The following CCDC117 variants were observed in gnomAD, a reference collection of about 807,000 sequenced individuals.
CCDC117 encodes the protein coiled-coil domain-containing protein 117.
CCDC117 carries 1 observed loss-of-function variant against 23.5 expected under a neutral mutation model. That is an observed-to-expected ratio of 0.04 (90% CI 0.02 to 0.20). The LOEUF (loss-of-function observed/expected upper bound fraction) is 0.20. CCDC117 is among the 10% of genes least tolerant of loss of function. The pLI, the probability that CCDC117 is intolerant of heterozygous loss-of-function variation, is 1.00. For missense variants in CCDC117, 383 were observed against 348.2 expected (o/e 1.10, Z -0.80); for synonymous variants, 132 against 124.8 (o/e 1.06, Z -0.39).
At chr22:28,784,781 T>C (rs1186114561) in intron 4 of CCDC117, among the ~76,000 whole-genome samples, 1 of 152,186 alleles carries the variant, frequency 6.6e-6, no homozygotes, top group Non-Finnish European at 1.5e-5. Flanking sequence ...TTTGTTGTTG[T>C]TGTTGTTGAG....
rs908666795 is a variant in CCDC117 at position 28,786,150 on chromosome 22, C to A, written c.664C>A (p.Pro222Thr). 6.2e-7 allele frequency: 1 copy of A among 1,614,154 alleles called. No homozygotes were observed. The highest frequency in any genetic ancestry group is 1.7e-5 in the Admixed American group (1 of 60,006). ...KPLPELLSDK[P>T]KPSSNTKNYT... ...CCTCCCTGAACTCCTTTCTGATAAG[C>A]CAAAGCCATCCTCTAATACTAAGAA... The change falls in exon 5 of 5, where the codon CCA (proline) becomes ACA (threonine). Residue 222 changes from proline (P) to threonine (T), a missense_variant. Transcript: ENST00000249064.
chr22:28,783,367 A>C, intron 3 of CCDC117, 141 bp from the exon 4 acceptor site: 1 of 701,046 alleles, frequency 1.4e-6, no homozygotes, highest in Non-Finnish European at 2.3e-6. Context: ...ACTCAGGTAT[A>C]GCCTCATTTT....
chr22:28,784,160 G>A (rs1486450357), intron 4 of CCDC117, among the ~76,000 whole-genome samples: 1 of 152,206 alleles, frequency 6.6e-6, no homozygotes, highest in African/African-American at 2.4e-5. Context: ...CAGTTTATGA[G>A]CTCAGTTATC....
intron 3 of CCDC117, among the ~76,000 whole-genome samples, chr22:28,782,487 G>A (rs562268074): frequency 6.6e-6 from 1 of 152,016 alleles, no homozygotes; most frequent in African/African-American, 2.4e-5. Context: ...TGCTCAGGCT[G>A]GAGTGCAGTG....
chr22:28,773,770 G>A lies in CCDC117; in HGVS notation c.231G>A (p.Glu77=). Residue 77 remains glutamate, a synonymous_variant, in exon 2 of 5, where the codon GAG becomes GAA. Transcript: ENST00000249064. ...AGAAACACAAGCGAGAGGAGGAGGA[G>A]GATGATGAGTAAGTTTCAGTGGTTG... is the stretch of plus-strand genomic sequence containing the variant. ...CKKKHKREEE[E]DDDCPVRKKR... is the part of the protein sequence containing the mutation. The A allele has an allele frequency of 1.9e-6, 3 of 1,611,534 alleles. No individual in the cohort carries two copies. The highest frequency in any genetic ancestry group is 2.5e-6 in the Non-Finnish European group (3 of 1,177,598).
chr22:28,779,362 C>T (rs935935695), intron 2 of CCDC117, among the ~76,000 whole-genome samples: 14 of 151,188 alleles, frequency 9.3e-5, no homozygotes, highest in African/African-American at 3.4e-4. Flanking sequence ...GCCACTGCGC[C>T]CAGCTTTTTT....
intron 2 of CCDC117, among the ~76,000 whole-genome samples, chr22:28,775,322 C>G (rs1437479198): frequency 1.3e-5 from 2 of 151,996 alleles, no homozygotes; most frequent in South Asian, 2.1e-4. Flanking sequence ...AGATAATTAA[C>G]CAATTTCCTA....
rs2031573833 is a variant in CCDC117, at chr22:28,788,213, G to C, written c.*1887G>C. ...AACTGTATTCTTTTGAAATGTGCAAGTGTTTGATTCATGCCATTTGATAAA... is the reference window on the plus strand; with the variant it reads ...AACTGTATTCTTTTGAAATGTGCAACTGTTTGATTCATGCCATTTGATAAA... On this transcript the variant is annotated 3_prime_UTR_variant, in exon 5 of 5. Coordinates refer to ENST00000249064, the MANE Select transcript of CCDC117 (RefSeq NM_173510.4). 6.6e-6 allele frequency: 1 copy of C among 152,622 alleles called. No individual in the cohort carries two copies. Among genetic ancestry groups the C allele is most frequent in the African/African-American group, 2.4e-5 (1 of 41,438 alleles). 9.5% of individuals were successfully genotyped at this position (152,622 alleles called of 1,614,324 possible).
chr22:28,788,662 A>G lies in CCDC117; in HGVS notation c.*2336A>G, dbSNP rs115957677. The G allele has an allele frequency of 1.3e-5, 2 of 152,622 alleles. No individual in the cohort carries two copies. Among genetic ancestry groups the G allele is most frequent in the African/African-American group, 4.8e-5 (2 of 41,450 alleles). 9.5% of individuals were successfully genotyped at this position (152,622 alleles called of 1,614,324 possible). The stretch of plus-strand genomic sequence containing the variant: ...CTTTTTTGGACTTTATCTTCTTGCA[A>G]AAATTTCTACAAAAATTGTTTTCTT... On this transcript the variant is annotated 3_prime_UTR_variant, in exon 5 of 5. Transcript: ENST00000249064.
Position 28,788,871 on chromosome 22 carries a change from A to T in CCDC117, c.*2545A>T, listed in dbSNP as rs747829269. On this transcript the variant is annotated 3_prime_UTR_variant, in exon 5 of 5. Coordinates refer to ENST00000249064, the MANE Select transcript of CCDC117 (RefSeq NM_173510.4). ...GATCAAACATTGGCTTACTGTGCTA[A>T]TGTGTGAAGAGAAAAAATTCTCTAA... The T allele has an allele frequency of 6.6e-6, 1 of 152,574 alleles. No homozygotes were observed. Among genetic ancestry groups the T allele is most frequent in the Non-Finnish European group, 1.5e-5 (1 of 68,042 alleles). The allele number at this position is 152,574 out of a possible 1,614,324, so 9.5% of individuals were successfully genotyped here.
At chr22:28,781,947 C>A (rs895707752) in intron 3 of CCDC117, among the ~76,000 whole-genome samples, 11 of 146,992 alleles carry the variant, frequency 7.5e-5, no homozygotes, top group African/African-American at 2.5e-4. Flanking sequence ...CCAGCCCCCC[C>A]CCTTTTTTTT....
rs1377410064 is a variant in CCDC117, at chr22:28,772,772, G to C, written c.-78G>C. 8.7e-7 allele frequency: 1 copy of C among 1,146,572 alleles called. No homozygotes were observed. The highest frequency in any genetic ancestry group is 1.1e-6 in the Non-Finnish European group (1 of 916,212). The allele number at this position is 1,146,572 out of a possible 1,614,324, so 71.0% of individuals were successfully genotyped here. ...GATCCGAGGCTGGCGGGTTTTGGCAGTAGCTGTGGCTGCGGCTGCCGGGCC... is the reference window on the plus strand; with the variant it reads ...GATCCGAGGCTGGCGGGTTTTGGCACTAGCTGTGGCTGCGGCTGCCGGGCC... On this transcript the variant is annotated 5_prime_UTR_variant, in exon 1 of 5. Transcript: ENST00000249064.
chr22:28,779,418 C>G (rs1386287947), intron 2 of CCDC117, among the ~76,000 whole-genome samples: 4 of 151,598 alleles, frequency 2.6e-5, no homozygotes, highest in Non-Finnish European at 4.4e-5. Flanking sequence ...GTTGGCCAGG[C>G]TCATCTCAAA....
At chr22:28,784,588 T>C (rs768744788) in intron 4 of CCDC117, among the ~76,000 whole-genome samples, 6 of 152,164 alleles carry the variant, frequency 3.9e-5, no homozygotes, top group Non-Finnish European at 8.8e-5. Flanking sequence ...CAGCTGCTAT[T>C]TGGTCTTTGA....
rs138007836 is a variant in CCDC117, at chr22:28,786,224, C to T, written c.738C>T (p.Phe246=). 4.7e-4 allele frequency: 758 copies of T among 1,614,140 alleles called. 1 individual carries two copies. Among genetic ancestry groups the T allele is most frequent in the Non-Finnish European group, 6.2e-4 (727 of 1,180,018 alleles). ...AGCATGTAGCTGCTGGCACTGCCTT[C>T]CCTCAGAGAACTGAACTGTTTTCGG... ...QAKHVAAGTA[F]PQRTELFSEP... Residue 246 remains phenylalanine (F), a synonymous_variant, in exon 5 of 5, where the codon TTC becomes TTT. Coordinates refer to ENST00000249064, the MANE Select transcript of CCDC117 (RefSeq NM_173510.4).
At chr22:28,781,737 G>A (rs1266641669) in intron 3 of CCDC117, among the ~76,000 whole-genome samples, 8 of 151,854 alleles carry the variant, frequency 5.3e-5, no homozygotes, top group African/African-American at 1.7e-4. Flanking sequence ...TCCACCTCCC[G>A]GGTTCAAGTG....
intron 2 of CCDC117, among the ~76,000 whole-genome samples, chr22:28,778,322 A>G (rs970211413): frequency 6.6e-6 from 1 of 152,026 alleles, no homozygotes; most frequent in African/African-American, 2.4e-5. Flanking sequence ...TTTAAAAATC[A>G]CTAGGTCGGG....
chr22:28,778,528 A>C (rs545360833), intron 2 of CCDC117, among the ~76,000 whole-genome samples: 1 of 152,232 alleles, frequency 6.6e-6, no homozygotes, highest in South Asian at 2.1e-4. Flanking sequence ...GAATTGCTTG[A>C]ACCCAGGAGA....
intron 2 of CCDC117, among the ~76,000 whole-genome samples, chr22:28,775,565 C>T (rs982699901): frequency 1.6e-4 from 25 of 152,198 alleles, no homozygotes; most frequent in Admixed American, 1.4e-3. Flanking sequence ...TGCTGCCCAA[C>T]TAATAGATGA....
Sources: gnomAD v4.1 joint callset for allele counts (sites outside exome capture counted in the v4.1 genomes callset) on GRCh38, gnomAD v4.1.1 for gene constraint, MANE v1.5 for transcripts, NCBI Gene and HGNC (gene_info 2026-07-23, HGNC 2026-07-21) for gene names.